Variants in NPAS3 observed in about 807,000 individuals in gnomAD.
The protein encoded by NPAS3 is neuronal PAS domain protein 3, also known as neuronal PAS domain-containing protein 3.
A neutral mutation model predicts 73.1 loss-of-function variants in NPAS3; 14 were observed. The ratio of observed to expected loss-of-function variants is 0.19; its 90% CI spans 0.13 to 0.30. NPAS3 has a LOEUF of 0.30. Ranked by LOEUF, NPAS3 falls within the 10% of genes least tolerant of loss-of-function variation. The pLI is 1.00. For missense variants in NPAS3, 1,096 were observed against 1,250.0 expected (o/e 0.88, Z 1.86); for synonymous variants, 620 against 541.5 (o/e 1.14, Z -2.01).
chr14:33,790,860 C>T lies in NPAS3; in HGVS notation c.1154-3037C>T, dbSNP rs2063338464. On this transcript the variant is annotated intron_variant, in intron 9 of 11. Transcript: ENST00000356141. ...ATTTTTGGATTTTTAGTAGAGGCAG[C>T]GTCTCACCATGTTGGCCAGGCTAGT... Among the ~76,000 whole-genome samples, 4 of 152,070 alleles carry T rather than the reference C, an allele frequency of 2.6e-5. No homozygotes were observed. The South Asian group carries it at 8.3e-4, about 32-fold the overall frequency.
intron 1 of NPAS3, among the ~76,000 whole-genome samples, chr14:32,991,576 A>G (rs1439426404): frequency 1.3e-5 from 2 of 152,178 alleles, no homozygotes. Context: ...CAAATAACAC[A>G]TGTAATTCAT....
intron 3 of NPAS3, among the ~76,000 whole-genome samples, chr14:33,343,129 T>C (rs1594737242): frequency 6.6e-6 from 1 of 152,336 alleles, no homozygotes; most frequent in South Asian, 2.1e-4. Context: ...AATAACATCT[T>C]TGCTGCTGGT....
chr14:33,522,592 GA>G (rs2053604220), intron 4 of NPAS3, among the ~76,000 whole-genome samples: 1 of 152,122 alleles, frequency 6.6e-6, no homozygotes, highest in African/African-American at 2.4e-5. Context: ...ATCAAGGTGG[GA>G]AACAATACCC....
rs966915349 is a variant in NPAS3 at position 33,705,521 on chromosome 14, A to G, written c.733+29136A>G. Among the ~76,000 whole-genome samples, 6 of 152,350 alleles carry G rather than the reference A, an allele frequency of 3.9e-5. No homozygotes were observed. The East Asian group carries it at 1.2e-3, about 29-fold the overall frequency. On this transcript the variant is annotated intron_variant, in intron 6 of 11. Coordinates refer to ENST00000356141, the Ensembl canonical transcript of NPAS3. ...TACTGTATTTAAATGGAAGAATGAA[A>G]AAGACTTTCTTTTGTTGCAAAACCC...
intron 1 of NPAS3, among the ~76,000 whole-genome samples, chr14:33,054,612 G>C: frequency 1.3e-5 from 1 of 76,098 alleles, no homozygotes; most frequent in Non-Finnish European, 2.2e-5. Flanking sequence ...AAACTTATCT[G>C]AGTTTTTTTT....
chr14:33,212,065 T>C (rs1434027382), intron 2 of NPAS3, among the ~76,000 whole-genome samples: 1 of 152,212 alleles, frequency 6.6e-6, no homozygotes, highest in African/African-American at 2.4e-5. Context: ...AAAGTTTATT[T>C]TGGGTTTTAA....
chr14:33,420,420 A>G (rs1328852217), intron 4 of NPAS3, among the ~76,000 whole-genome samples: 4 of 152,004 alleles, frequency 2.6e-5, no homozygotes, highest in African/African-American at 9.7e-5. Flanking sequence ...CAGCAGAATC[A>G]TAATGTCTCC....
At chr14:33,256,244 A>G (rs1384063350) in intron 3 of NPAS3, among the ~76,000 whole-genome samples, 1 of 152,224 alleles carries the variant, frequency 6.6e-6, no homozygotes, top group East Asian at 1.9e-4. Context: ...ATCCCTTAAC[A>G]ACAAAAACAA....
intron 5 of NPAS3, among the ~76,000 whole-genome samples, chr14:33,566,224 T>G (rs1226443293): frequency 1.5e-5 from 2 of 134,062 alleles, no homozygotes; most frequent in African/African-American, 2.7e-5. Flanking sequence ...GAAATTGATT[T>G]TTCCCCCCCG....
chr14:33,408,576 T>G (rs2047772099), intron 4 of NPAS3, among the ~76,000 whole-genome samples: 1 of 152,192 alleles, frequency 6.6e-6, no homozygotes, highest in African/African-American at 2.4e-5. Context: ...GTAATTTCAA[T>G]TATCTTATTA....
chr14:33,441,300 T>C (rs560165008), intron 4 of NPAS3, among the ~76,000 whole-genome samples: 13 of 152,342 alleles, frequency 8.5e-5, no homozygotes, highest in African/African-American at 2.9e-4. Context: ...TAAAACTTTA[T>C]AGAGAGACTT....
In NPAS3 at chr14:33,800,221, C is replaced by T. The variant is rs1003597815; in HGVS notation, c.1914C>T (p.Ser638=). The change falls in exon 12 of 12, where the codon TCC becomes TCT. Residue 638 remains serine, a synonymous_variant. Coordinates refer to ENST00000356141, the Ensembl canonical transcript of NPAS3. This position sits in a 1 kb window ranked among gnomAD's most constrained non-coding sequence, Gnocchi z 6.5. ...TGGTGGAGCCCCCGCGGCTGCTGTCCTCCCCCAACAGTGCCTCGGTGCTCA... is the reference window on the plus strand; with the variant it reads ...TGGTGGAGCCCCCGCGGCTGCTGTCTTCCCCCAACAGTGCCTCGGTGCTCA... 1.9e-6 allele frequency: 3 copies of T among 1,612,650 alleles called. No individual in the cohort carries two copies. The highest frequency in any genetic ancestry group is 4.5e-5 in the East Asian group (2 of 44,832).
At chr14:33,423,265 C>T (rs527267842) in intron 4 of NPAS3, among the ~76,000 whole-genome samples, 1 of 151,970 alleles carries the variant, frequency 6.6e-6, no homozygotes, top group African/African-American at 2.4e-5. Flanking sequence ...AATTGATTCT[C>T]CCTGCTGACA....
At chr14:32,953,659 G>A (rs946803999) in intron 1 of NPAS3, among the ~76,000 whole-genome samples, 1 of 152,106 alleles carries the variant, frequency 6.6e-6, no homozygotes, top group Non-Finnish European at 1.5e-5. Context: ...CCGGGTCGGA[G>A]ATGAAGGACA....
chr14:33,618,332 T>C (rs909970994), intron 5 of NPAS3, among the ~76,000 whole-genome samples: 3 of 152,164 alleles, frequency 2.0e-5, no homozygotes, highest in Admixed American at 6.5e-5. Flanking sequence ...CTCACCATAA[T>C]GTAGAATCAG....
chr14:33,011,796 T>C (rs946177160), intron 1 of NPAS3, among the ~76,000 whole-genome samples: 2 of 152,212 alleles, frequency 1.3e-5, no homozygotes, highest in African/African-American at 4.8e-5. Context: ...TTCTCCACTT[T>C]GGTGTTGCTT....
chr14:33,668,003 C>A (rs1299427747), intron 5 of NPAS3, among the ~76,000 whole-genome samples: 2 of 151,980 alleles, frequency 1.3e-5, no homozygotes, highest in Non-Finnish European at 2.9e-5. Flanking sequence ...ACCTATCAAC[C>A]CATTAGATAA....
chr14:33,628,124 T>A (rs976387357), intron 5 of NPAS3, among the ~76,000 whole-genome samples: 1 of 152,238 alleles, frequency 6.6e-6, no homozygotes, highest in African/African-American at 2.4e-5. Context: ...TGGTTTGTTA[T>A]CTCTTTGTCT....
chr14:32,960,590 A>T (rs1328062265), intron 1 of NPAS3, among the ~76,000 whole-genome samples: 3 of 152,186 alleles, frequency 2.0e-5, no homozygotes, highest in Non-Finnish European at 4.4e-5. Flanking sequence ...TTCAGAAGTA[A>T]TAAAAATGGA....
Sources: gnomAD v4.1 joint callset for allele counts (sites outside exome capture counted in the v4.1 genomes callset) on GRCh38, gnomAD v4.1.1 for gene constraint, Gnocchi (gnomAD v3.1) non-coding constraint, MANE v1.5 for transcripts, NCBI Gene and HGNC (gene_info 2026-07-23, HGNC 2026-07-21) for gene names.